Variants in LAMC3 observed in about 807,000 individuals in gnomAD.
LAMC3 encodes the protein laminin subunit gamma 3.
A neutral mutation model predicts 173.8 loss-of-function variants in LAMC3; 128 were observed. That is an observed-to-expected ratio of 0.74 (90% CI 0.64 to 0.85). The LOEUF (loss-of-function observed/expected upper bound fraction) is 0.85, where lower values mean the gene tolerates loss of function less well. Among genes scored for constraint, LAMC3 ranks in the 40% least tolerant of loss-of-function variants. LAMC3 has a pLI of 0.00. For missense variants in LAMC3, 2,022 were observed against 2,156.0 expected, an observed-to-expected ratio of 0.94 and a Z score of 1.23; for synonymous variants, 897 against 909.1, an observed-to-expected ratio of 0.99 and a Z score of 0.24.
chr9:131,082,760 G>GTT (rs1830262667), intron 24 of LAMC3, among the ~76,000 whole-genome samples: 1 of 152,220 alleles, frequency 6.6e-6, no homozygotes, highest in Non-Finnish European at 1.5e-5. Context: ...CTCACCCTTT[G>GTT]TTTGTGGCTC....
intron 22 of LAMC3, 144 bp downstream of exon 22, chr9:131,077,478 A>G: frequency 9.8e-7 from 1 of 1,025,006 alleles, no homozygotes; most frequent in Non-Finnish European, 1.5e-6. Context: ...GGAGTTTGAG[A>G]CCACCTGGGC....
intron 9 of LAMC3, among the ~76,000 whole-genome samples, chr9:131,050,085 G>A (rs551562265): frequency 3.3e-5 from 5 of 152,368 alleles, no homozygotes; most frequent in African/African-American, 9.6e-5. Flanking sequence ...TGGGGCAGGC[G>A]CTCCAAGCTC....
At chr9:131,028,531 C>G (rs1412264249) in intron 2 of LAMC3, among the ~76,000 whole-genome samples, 1 of 152,220 alleles carries the variant, frequency 6.6e-6, no homozygotes, top group East Asian at 1.9e-4. Flanking sequence ...ACACACGGAG[C>G]CGGCCGTGTC....
In LAMC3 at chr9:131,027,814, C is replaced by G. The variant is rs545548432; in HGVS notation, c.678+1225C>G. Among the ~76,000 whole-genome samples the G allele has an allele frequency of 3.9e-5, 6 of 152,280 alleles. No homozygotes were observed. The East Asian group carries it at 1.2e-3, about 29-fold the overall frequency. On this transcript the variant is annotated intron_variant, in intron 2 of 27. Coordinates refer to ENST00000361069, the MANE Select transcript of LAMC3 (RefSeq NM_006059.4). ...TGACAGCTCCCCGTCCTTGTCCTCA[C>G]GGTAGAGAGGACGGCTGGCCTGTCG...
rs1291158877 is a variant in LAMC3 at position 131,037,538 on chromosome 9, C to CT, written c.976+1207dup. Among the ~76,000 whole-genome samples, 4 of 152,340 alleles carry CT rather than the reference C, an allele frequency of 2.6e-5. No homozygotes were observed. In the East Asian group the frequency reaches 7.7e-4, roughly 29 times the overall value. On this transcript the variant is annotated intron_variant, in intron 4 of 27. Transcript: ENST00000361069. ...TCTTTTCTTGAAACACGGCCTCACT[C>CT]TGTCACCCAGGCTGGAGTGCAGTGG...
In LAMC3 at chr9:131,067,051, C is replaced by T. The variant is rs61637370; in HGVS notation, c.2439C>T (p.Ser813=). 4.2e-5 allele frequency: 68 copies of T among 1,614,098 alleles called. No individual in the cohort carries two copies. Among genetic ancestry groups the T allele is most frequent in the African/African-American group, 2.9e-4 (22 of 75,034 alleles). The change falls in exon 14 of 28, where the codon AGC becomes AGT. Residue 813 remains serine, a synonymous_variant. Coordinates refer to ENST00000361069, the MANE Select transcript of LAMC3 (RefSeq NM_006059.4). ...HPQPCHQCQC[S]GNVDPNAVGN... ...AGCCCTGCCACCAGTGCCAGTGTAG[C>T]GGGAACGTGGACCCCAATGCCGTGG...
chr9:131,084,299 C>T (rs1317707785), intron 24 of LAMC3, among the ~76,000 whole-genome samples: 2 of 152,224 alleles, frequency 1.3e-5, no homozygotes, highest in Admixed American at 6.5e-5. Context: ...TAGCCTCCAA[C>T]TCCTGGCCTC....
Position 131,018,129 on chromosome 9 carries a change from C to G in LAMC3, c.374-8156C>G, listed in dbSNP as rs139310375. Among the ~76,000 whole-genome samples the G allele has an allele frequency of 5.5e-3, 830 of 151,916 alleles. 9 individuals are homozygous for G. The highest frequency in any genetic ancestry group is 0.019 in the African/African-American group (790 of 41,436). ...CAAAAAGGTTGGGAAAGGAGTGGCC[C>G]CAAGATCTTTTTTTTTTTTTTTCTT... On this transcript the variant is annotated intron_variant, in intron 1 of 27. Coordinates refer to ENST00000361069, the MANE Select transcript of LAMC3 (RefSeq NM_006059.4).
chr9:131,064,867 C>G (rs1424607642), intron 13 of LAMC3, among the ~76,000 whole-genome samples: 3 of 151,730 alleles, frequency 2.0e-5, no homozygotes, highest in African/African-American at 4.8e-5. Flanking sequence ...ATGACAAGAA[C>G]CCGTCTCTAG....
rs1476844125 is a variant in LAMC3 at position 131,079,251 on chromosome 9, C to T, written c.3880C>T (p.Gln1294Ter). 6.2e-7 allele frequency: 1 copy of T among 1,614,114 alleles called. No homozygotes were observed. The highest frequency in any genetic ancestry group is 1.3e-5 in the African/African-American group (1 of 74,954). ...HMATEAARTL[Q>*]TAAQATLRQT... Reference sequence around the variant, plus strand: ...GGCCACTGAGGCTGCCCGAACCCTCCAGACTGCTGCCCAGGCGACGCTACG... The same window carrying T: ...GGCCACTGAGGCTGCCCGAACCCTCTAGACTGCTGCCCAGGCGACGCTACG... Residue 1294 changes from glutamine to a stop codon, truncating the protein, a stop_gained, in exon 23 of 28, where the codon CAG becomes TAG. Transcript: ENST00000361069. LOFTEE classifies it high-confidence loss of function.
At chr9:131,065,325 G>T (rs1415465515) in intron 13 of LAMC3, among the ~76,000 whole-genome samples, 1 of 152,184 alleles carries the variant, frequency 6.6e-6, no homozygotes, top group Non-Finnish European at 1.5e-5. Context: ...TAACCTGGAG[G>T]CTGGAAGATG....
chr9:131,037,300 G>A (rs1349629139), intron 4 of LAMC3, among the ~76,000 whole-genome samples: 1 of 152,174 alleles, frequency 6.6e-6, no homozygotes, highest in Admixed American at 6.5e-5. Context: ...GGGAGCCAGG[G>A]TTTCAGGCTT....
In LAMC3 at chr9:131,091,890, C is replaced by A; in HGVS notation, c.*103C>A. The A allele has an allele frequency of 7.0e-7, 1 of 1,435,660 alleles. No homozygotes were observed. Among genetic ancestry groups the A allele is most frequent in the African/African-American group, 1.4e-5 (1 of 70,884 alleles). The allele number at this position is 1,435,660 out of a possible 1,614,324, so 88.9% of individuals were successfully genotyped here. On this transcript the variant is annotated 3_prime_UTR_variant, in exon 28 of 28. Coordinates refer to ENST00000361069, the MANE Select transcript of LAMC3 (RefSeq NM_006059.4). ...GTGCCCATACAGACATTCCCCGGAG[C>A]CGGCTGCTGTGAACTCGCCCCCGTG...
chr9:131,009,377 G>A lies in LAMC3; in HGVS notation c.163G>A (p.Gly55Ser), dbSNP rs1402415962. ...GCTCGCCCAGGCCTCGCACACGTGCGGCAGCCCGCCCGAGGACTTCTGTCC... is the reference window on the plus strand; with the variant it reads ...GCTCGCCCAGGCCTCGCACACGTGCAGCAGCCCGCCCGAGGACTTCTGTCC... Reference protein sequence around the residue: ...GRLAQASHTCGSPPEDFCPHV... With the variant: ...GRLAQASHTCSSPPEDFCPHV... Residue 55 changes from glycine (G) to serine (S), a missense_variant, in exon 1 of 28, where the codon GGC becomes AGC. Coordinates refer to ENST00000361069, the MANE Select transcript of LAMC3 (RefSeq NM_006059.4). This position sits in a 1 kb window ranked among gnomAD's most constrained non-coding sequence, Gnocchi z 4.3. 6 of 1,526,412 alleles carry A rather than the reference G, an allele frequency of 3.9e-6. No individual in the cohort carries two copies. Among genetic ancestry groups the A allele is most frequent in the Non-Finnish European group, 5.3e-6 (6 of 1,141,370 alleles). 94.6% of individuals were successfully genotyped at this position (1,526,412 alleles called of 1,614,324 possible).
At chr9:131,048,734 G>C (rs1834224346) in intron 8 of LAMC3, among the ~76,000 whole-genome samples, 1 of 152,192 alleles carries the variant, frequency 6.6e-6, no homozygotes, top group African/African-American at 2.4e-5. Context: ...AGTTCTCTGA[G>C]AACCTGAAGA....
intron 14 of LAMC3, 49 bp downstream of exon 14, chr9:131,067,254 T>C: frequency 6.2e-7 from 1 of 1,607,556 alleles, no homozygotes; most frequent in Non-Finnish European, 8.5e-7. Flanking sequence ...GGGCCCCTTC[T>C]CTTCTGCCCT....
At chr9:131,052,785 C>T (rs895274664) in intron 10 of LAMC3, 65 bp from the exon 11 acceptor site, 1 of 1,296,836 alleles carries the variant, frequency 7.7e-7, no homozygotes. Context: ...GGCTACCCCC[C>T]ATCCCCAGGC....
intron 20 of LAMC3, 30 bp from the exon 21 acceptor site, chr9:131,075,801 G>GGT (rs1830116067): frequency 1.9e-6 from 3 of 1,599,258 alleles, no homozygotes; most frequent in South Asian, 2.2e-5. Context: ...GCGAGCCCTT[G>GGT]GTAATGCTCA....
intron 1 of LAMC3, among the ~76,000 whole-genome samples, chr9:131,016,859 C>T (rs1269905448): frequency 1.3e-5 from 2 of 152,190 alleles, no homozygotes; most frequent in East Asian, 1.9e-4. Flanking sequence ...TTCCATTTTC[C>T]GTGTTTCTAC....
Sources: allele counts gnomAD v4.1 joint callset (sites outside exome capture counted in the v4.1 genomes callset), GRCh38; gene constraint gnomAD v4.1.1; non-coding constraint Gnocchi (gnomAD v3.1); transcripts MANE v1.5; gene names NCBI Gene and HGNC (gene_info 2026-07-23, HGNC 2026-07-21).